LRRC37A2: variants seen among roughly 807,000 people sequenced by gnomAD.
LRRC37A2 encodes the protein leucine rich repeat containing 37 member A2.
A neutral mutation model predicts 68.8 loss-of-function variants in LRRC37A2; 9 were observed. That is an observed-to-expected ratio of 0.13 (90% CI 0.08 to 0.23). The LOEUF (loss-of-function observed/expected upper bound fraction) is 0.23. Ranked by LOEUF, LRRC37A2 falls within the 10% of genes least tolerant of loss-of-function variation. LRRC37A2 has a pLI of 1.00. For missense variants in LRRC37A2, 168 were observed against 950.4 expected (o/e 0.18, Z 10.82); for synonymous variants, 63 against 367.6 (o/e 0.17, Z 9.48).
the LRRC37A2 span, among the ~76,000 whole-genome samples, chr17:46,868,736 A>G: frequency 6.6e-6 from 1 of 152,210 alleles, no homozygotes; most frequent in Non-Finnish European, 1.5e-5. Context: ...GGTAATTGAG[A>G]TTTCACAGAG....
chr17:46,923,365 T>C, the LRRC37A2 span: 2 of 1,484,540 alleles, frequency 1.3e-6, no homozygotes, highest in African/African-American at 1.4e-5. Context: ...TCCGAAGTGC[T>C]TAATCCTTGG....
chr17:46,544,603 C>T (rs2055994139), intron 8 of LRRC37A2, among the ~76,000 whole-genome samples: 1 of 44,808 alleles, frequency 2.2e-5, no homozygotes, highest in Non-Finnish European at 3.7e-5. Flanking sequence ...TGCCCAAATT[C>T]ACATTATTAG....
the LRRC37A2 span, among the ~76,000 whole-genome samples, chr17:46,767,425 C>G: frequency 6.6e-6 from 1 of 152,184 alleles, no homozygotes; most frequent in Non-Finnish European, 1.5e-5. Flanking sequence ...ACGATTTATG[C>G]TTGTGCAGGA....
chr17:46,893,208 A>T, the LRRC37A2 span, among the ~76,000 whole-genome samples: 2 of 152,194 alleles, frequency 1.3e-5, no homozygotes, highest in African/African-American at 4.8e-5. Context: ...TGCTAGGATT[A>T]CAGGCATGAG....
At chr17:46,866,550 G>A in the LRRC37A2 span, among the ~76,000 whole-genome samples, 2 of 152,190 alleles carry the variant, frequency 1.3e-5, no homozygotes, top group South Asian at 4.1e-4. Context: ...AAAGCACAAA[G>A]GGCGCACTCA....
At chr17:47,018,811 C>T in the LRRC37A2 span, 1 of 1,521,202 alleles carries the variant, frequency 6.6e-7, no homozygotes. Context: ...TCACCCCTGA[C>T]TCAAGCCGCA....
chr17:46,929,648 T>A, the LRRC37A2 span: 1 of 832,574 alleles, frequency 1.2e-6, no homozygotes, highest in Non-Finnish European at 2.1e-6. Context: ...TGGGCTGGGC[T>A]TCCTGACTGC....
chr17:46,923,609 G>A, the LRRC37A2 span: 44 of 1,262,590 alleles, frequency 3.5e-5, no homozygotes, highest in Non-Finnish European at 4.4e-5. Context: ...CCGTAGGAGT[G>A]TACTGTTTAA....
At chr17:46,933,955 A>C in the LRRC37A2 span, among the ~76,000 whole-genome samples, 3 of 144,502 alleles carry the variant, frequency 2.1e-5, no homozygotes, top group Non-Finnish European at 3.0e-5. Flanking sequence ...AAAAAAAAAA[A>C]CACGAAACAA....
At chr17:46,920,226 A>G in the LRRC37A2 span, among the ~76,000 whole-genome samples, 1 of 152,190 alleles carries the variant, frequency 6.6e-6, no homozygotes, top group African/African-American at 2.4e-5. Flanking sequence ...TATTTTGTCC[A>G]TGAACCGTTC....
At chr17:46,878,232 T>G in the LRRC37A2 span, among the ~76,000 whole-genome samples, 1 of 152,242 alleles carries the variant, frequency 6.6e-6, no homozygotes, top group African/African-American at 2.4e-5. Flanking sequence ...CACGCCCATC[T>G]GTCAGCTTCC....
the LRRC37A2 span, among the ~76,000 whole-genome samples, chr17:46,770,719 T>C: frequency 6.6e-6 from 1 of 151,884 alleles, no homozygotes; most frequent in South Asian, 2.1e-4. Flanking sequence ...CCCAGAAGGG[T>C]AGGGACACCG....
the LRRC37A2 span, among the ~76,000 whole-genome samples, chr17:46,880,510 T>C: frequency 6.6e-6 from 1 of 152,226 alleles, no homozygotes; most frequent in Non-Finnish European, 1.5e-5. Context: ...GCTGACATCC[T>C]AGTGGGTGAG....
the LRRC37A2 span, among the ~76,000 whole-genome samples, chr17:46,811,439 C>A: frequency 6.6e-6 from 1 of 152,178 alleles, no homozygotes; most frequent in South Asian, 2.1e-4. Flanking sequence ...TGCCTGCTGG[C>A]AGAACCGTTG....
chr17:47,014,148 T>C, the LRRC37A2 span, among the ~76,000 whole-genome samples: 1 of 150,506 alleles, frequency 6.6e-6, no homozygotes, highest in African/African-American at 2.5e-5. Context: ...TCCCAGCACT[T>C]TGGGAGGCCA....
At chr17:46,976,584 T>C in the LRRC37A2 span, among the ~76,000 whole-genome samples, 1 of 152,012 alleles carries the variant, frequency 6.6e-6, no homozygotes. Context: ...CAAATTTAAC[T>C]CTTGACTCGT....
At chr17:46,896,689 C>T in the LRRC37A2 span, among the ~76,000 whole-genome samples, 2 of 152,186 alleles carry the variant, frequency 1.3e-5, no homozygotes, top group African/African-American at 2.4e-5. Flanking sequence ...CAAGGCAAAG[C>T]GACAGCTTGG....
At chr17:46,795,993 A>G in the LRRC37A2 span, among the ~76,000 whole-genome samples, 2 of 152,214 alleles carry the variant, frequency 1.3e-5, no homozygotes, top group Non-Finnish European at 2.9e-5. Context: ...ATTAAAAAAA[A>G]AAGAACTGAT....
intron 6 of LRRC37A2, among the ~76,000 whole-genome samples, chr17:46,532,771 G>A (rs1016508467): frequency 6.8e-6 from 1 of 147,662 alleles, no homozygotes; most frequent in Non-Finnish European, 1.5e-5. Flanking sequence ...AAGAACAATA[G>A]TAATGTCCCC....
Sources: allele counts gnomAD v4.1 joint callset (sites outside exome capture counted in the v4.1 genomes callset), GRCh38; gene constraint gnomAD v4.1.1; transcripts MANE v1.5; gene names NCBI Gene and HGNC (gene_info 2026-07-23, HGNC 2026-07-21).